HNRNPUL2: variants seen among roughly 807,000 people sequenced by gnomAD.
The protein encoded by HNRNPUL2 is heterogeneous nuclear ribonucleoprotein U like 2.
HNRNPUL2 carries 27 observed loss-of-function variants against 102.2 expected under a neutral mutation model. That is an observed-to-expected ratio of 0.26 (90% CI 0.19 to 0.36). The LOEUF (loss-of-function observed/expected upper bound fraction) is 0.36, where lower values mean the gene tolerates loss of function less well. HNRNPUL2 is among the 10% of genes least tolerant of loss of function. HNRNPUL2 has a pLI of 1.00. For synonymous variants in HNRNPUL2, 458 were observed against 387.2 expected (o/e 1.18, Z -2.15); for missense variants, 936 against 981.1 (o/e 0.95, Z 0.61).
Position 62,722,129 on chromosome 11 carries a change from T to C in HNRNPUL2, c.1347A>G (p.Ile449Met), listed in dbSNP as rs1442854750. 1.2e-6 allele frequency: 2 copies of C among 1,613,770 alleles called. No homozygotes were observed. The highest frequency in any genetic ancestry group is 1.3e-5 in the African/African-American group (1 of 74,932). ...CTGTTTGGCATACCTCACATTCCTC[T>C]ATGGTCTTGGGAGGGACTGCAGTGC... The part of the protein sequence containing the change: ...RVRTAVPPKT[I>M]EECEVILMVG... Residue 449 changes from isoleucine to methionine, a missense_variant, in exon 7 of 14, where the codon ATA (isoleucine) becomes ATG (methionine). By Grantham distance (10) the Ile-to-Met change is conservative. Coordinates refer to ENST00000301785, the MANE Select transcript of HNRNPUL2 (RefSeq NM_001079559.3).
intron 1 of HNRNPUL2, among the ~76,000 whole-genome samples, chr11:62,725,649 T>C (rs1324455954): frequency 6.6e-6 from 1 of 152,224 alleles, no homozygotes; most frequent in Non-Finnish European, 1.5e-5. Context: ...TGACTCTCCA[T>C]AGTGGCCTAA....
At chr11:62,725,297 AAGCC>A (rs1473981888) in intron 1 of HNRNPUL2, among the ~76,000 whole-genome samples, 1 of 152,172 alleles carries the variant, frequency 6.6e-6, no homozygotes, top group African/African-American at 2.4e-5. Context: ...TCCCGGGTTC[AAGCC>A]ATTCTCCCGC....
At chr11:62,724,025 A>C in intron 2 of HNRNPUL2, 35 bp from the exon 3 acceptor site, 1 of 1,541,948 alleles carries the variant, frequency 6.5e-7, no homozygotes, top group Non-Finnish European at 9.0e-7. Flanking sequence ...ACACAATGTA[A>C]ACAAAGCCCT....
At chr11:62,717,924 C>T (rs1358455468) in intron 10 of HNRNPUL2, among the ~76,000 whole-genome samples, 1 of 152,204 alleles carries the variant, frequency 6.6e-6, no homozygotes, top group Admixed American at 6.5e-5. Context: ...AGTCTCTGGA[C>T]GTCAACTTCA....
rs549359607 is a variant in HNRNPUL2, at chr11:62,727,419, T to C, written c.-263A>G. 12 of 344,106 alleles carry C rather than the reference T, an allele frequency of 3.5e-5. No individual in the cohort carries two copies. The East Asian group carries it at 5.4e-4, about 16-fold the overall frequency. The allele number at this position is 344,106 out of a possible 1,614,324, so 21.3% of individuals were successfully genotyped here. A position where few individuals can be genotyped will look rare whatever the true frequency, so the allele number is the denominator to read the frequency against. On this transcript the variant is annotated 5_prime_UTR_variant, in exon 1 of 14. Transcript: ENST00000301785. ...GGGAGCTGTTTCCCCTCCAGGCCCT[T>C]GGTTCCCCAGCCGCGGGCAGGCGCG...
At chr11:62,725,319 T>C (rs1460609387) in intron 1 of HNRNPUL2, among the ~76,000 whole-genome samples, 1 of 152,168 alleles carries the variant, frequency 6.6e-6, no homozygotes, top group Admixed American at 6.5e-5. Flanking sequence ...CGCCTCAGCC[T>C]CCCAAGAAGC....
chr11:62,727,208 G>A lies in HNRNPUL2; in HGVS notation c.-52C>T, dbSNP rs1321869761. 7.5e-7 allele frequency: 1 copy of A among 1,329,846 alleles called. No homozygotes were observed. Among genetic ancestry groups the A allele is most frequent in the Non-Finnish European group, 9.6e-7 (1 of 1,044,070 alleles). 82.4% of individuals were successfully genotyped at this position (1,329,846 alleles called of 1,614,324 possible). A position where few individuals can be genotyped will look rare whatever the true frequency, so the allele number is the denominator to read the frequency against. On this transcript the variant is annotated 5_prime_UTR_variant, in exon 1 of 14. Transcript: ENST00000301785. The stretch of plus-strand genomic sequence containing the variant: ...GCCGCCTCCTCCCCTGCGAACCGTC[G>A]ACCGAGTCCGACCGCGCAGGCGCCG...
rs2083634053 is a variant in HNRNPUL2 at position 62,713,431 on chromosome 11, C to T, written c.*1868G>A. On this transcript the variant is annotated 3_prime_UTR_variant, in exon 14 of 14. Coordinates refer to ENST00000301785, the MANE Select transcript of HNRNPUL2 (RefSeq NM_001079559.3). ...ATAATAATACAAAGTTAATGTGTTA[C>T]AGAAAAATTCATGCAATCACTCCAC... 6.6e-6 allele frequency: 1 copy of T among 152,188 alleles called. No homozygotes were observed. The highest frequency in any genetic ancestry group is 2.4e-5 in the African/African-American group (1 of 41,436). The allele number at this position is 152,188 out of a possible 1,614,324, so 9.4% of individuals were successfully genotyped here.
chr11:62,718,024 T>G (rs1168979580), intron 10 of HNRNPUL2, among the ~76,000 whole-genome samples: 3 of 152,214 alleles, frequency 2.0e-5, no homozygotes, highest in African/African-American at 7.2e-5. Flanking sequence ...AAAACTGAGC[T>G]ACATTTCTCT....
At position 62,719,863 on chromosome 11, in the gene HNRNPUL2, T is replaced by C. The variant is rs578082988; in HGVS notation, c.1780+160A>G. Among the ~76,000 whole-genome samples, 3 of 152,312 alleles carry C rather than the reference T, an allele frequency of 2.0e-5. No individual in the cohort carries two copies. The East Asian group carries it at 5.8e-4, about 29-fold the overall frequency. ...TGTGCCCTCTTGCCTTTTGCCCTCCTGACATGGAATGATGCAGCAAGAAGG... is the reference window on the plus strand; with the variant it reads ...TGTGCCCTCTTGCCTTTTGCCCTCCCGACATGGAATGATGCAGCAAGAAGG... On this transcript the variant is annotated intron_variant, in intron 10 of 13. Transcript: ENST00000301785.
Position 62,727,239 on chromosome 11 carries a change from G to GCCGCCCGCCT in HNRNPUL2, c.-93_-84dup. 1.0e-5 allele frequency: 13 copies of GCCGCCCGCCT among 1,301,614 alleles called. No individual in the cohort carries two copies. Among genetic ancestry groups the GCCGCCCGCCT allele is most frequent in the Non-Finnish European group, 1.3e-5 (13 of 1,028,714 alleles). 80.6% of individuals were successfully genotyped at this position (1,301,614 alleles called of 1,614,324 possible). On this transcript the variant is annotated 5_prime_UTR_variant, in exon 1 of 14. Transcript: ENST00000301785. Reference sequence around the variant, plus strand: ...GTCCGACCGCGCAGGCGCCGCCGCCGCCGCCCGCCTCCGCCTCACGCGCCA... The same window carrying GCCGCCCGCCT: ...GTCCGACCGCGCAGGCGCCGCCGCCGCCGCCCGCCTCCGCCCGCCTCCGCCTCACGCGCCA...
At chr11:62,721,197 G>T in intron 9 of HNRNPUL2, 98 bp downstream of exon 9, 1 of 1,134,120 alleles carries the variant, frequency 8.8e-7, no homozygotes, top group Non-Finnish European at 1.3e-6. Flanking sequence ...CACACAACCA[G>T]ATGGTCATAA....
intron 11 of HNRNPUL2, among the ~76,000 whole-genome samples, 190 bp downstream of exon 11, chr11:62,716,799 G>T (rs2083663569): frequency 6.6e-6 from 1 of 152,154 alleles, no homozygotes; most frequent in South Asian, 2.1e-4. Flanking sequence ...TGTTGTTGTT[G>T]AAGAATTATG....
At position 62,727,299 on chromosome 11, in the gene HNRNPUL2, G is replaced by A. The variant is rs1048373380; in HGVS notation, c.-143C>T. The A allele has an allele frequency of 1.2e-5, 13 of 1,071,088 alleles. No homozygotes were observed. The South Asian group carries it at 4.1e-4, about 34-fold the overall frequency. 66.3% of individuals were successfully genotyped at this position (1,071,088 alleles called of 1,614,324 possible). A position where few individuals can be genotyped will look rare whatever the true frequency, so the allele number is the denominator to read the frequency against. ...CCGCGCGAGCGAGCGCACGCACGCA[G>A]GAGCGGAGGCCGCGCACGGTCCCGC... On this transcript the variant is annotated 5_prime_UTR_variant, in exon 1 of 14. Transcript: ENST00000301785.
At chr11:62,722,053 G>A in intron 7 of HNRNPUL2, 64 bp downstream of exon 7, 1 of 1,600,172 alleles carries the variant, frequency 6.2e-7, no homozygotes, top group Non-Finnish European at 8.5e-7. Flanking sequence ...TGAGACCCTG[G>A]AGAGCATACG....
intron 8 of HNRNPUL2, 108 bp from the exon 9 acceptor site, chr11:62,721,531 T>C: frequency 9.6e-7 from 1 of 1,045,420 alleles, no homozygotes; most frequent in East Asian, 2.4e-5. Context: ...ACTGAATCTA[T>C]GATATCACTC....
rs749889594 is a variant in HNRNPUL2, at chr11:62,727,359, C to G, written c.-203G>C. The G allele has an allele frequency of 3.4e-6, 2 of 583,938 alleles. No homozygotes were observed. The highest frequency in any genetic ancestry group is 4.9e-6 in the Non-Finnish European group (2 of 409,982). 36.2% of individuals were successfully genotyped at this position (583,938 alleles called of 1,614,324 possible). A position where few individuals can be genotyped will look rare whatever the true frequency, so the allele number is the denominator to read the frequency against. ...TTTGCTTCTCCTTCGTCTCCCCTCC[C>G]CCTTTCGGCTCACGGAGCCCAAAAC... On this transcript the variant is annotated 5_prime_UTR_variant, in exon 1 of 14. Transcript: ENST00000301785.
intron 10 of HNRNPUL2, among the ~76,000 whole-genome samples, chr11:62,718,313 CAAACA>C (rs2083675356): frequency 6.6e-6 from 1 of 152,122 alleles, no homozygotes; most frequent in African/African-American, 2.4e-5. Flanking sequence ...GCCAAATTAA[CAAACA>C]AAACACAAAC....
At chr11:62,724,470 G>A in intron 1 of HNRNPUL2, 44 bp from the exon 2 acceptor site, 4 of 1,611,144 alleles carry the variant, frequency 2.5e-6, no homozygotes, top group Non-Finnish European at 3.4e-6. Flanking sequence ...TCATACTGGA[G>A]TGTAGAATAA....
Sources: gnomAD v4.1 joint callset for allele counts (sites outside exome capture counted in the v4.1 genomes callset) on GRCh38, gnomAD v4.1.1 for gene constraint, MANE v1.5 for transcripts, NCBI Gene and HGNC (gene_info 2026-07-23, HGNC 2026-07-21) for gene names.